The following OTUD7A variants were observed in gnomAD, a reference collection of about 807,000 sequenced individuals.
OTUD7A encodes the protein OTU domain-containing protein 7A.
In OTUD7A, 12 loss-of-function variants were observed where a neutral mutation model predicts 65.7. That is an observed-to-expected ratio of 0.18 (90% CI 0.12 to 0.30). OTUD7A has a LOEUF of 0.30. Among genes scored for constraint, OTUD7A ranks in the 10% least tolerant of loss-of-function variants. The probability of loss-of-function intolerance (pLI) is 1.00; values close to 1 mark genes in which losing one functional copy is unlikely to be tolerated. For missense variants in OTUD7A, 1,148 were observed against 1,304.8 expected (o/e 0.88, Z 1.85); for synonymous variants, 641 against 586.3 (o/e 1.09, Z -1.35).
intron 1 of OTUD7A, among the ~76,000 whole-genome samples, chr15:31,840,374 G>A (rs1475884141): frequency 6.6e-6 from 1 of 152,050 alleles, no homozygotes; most frequent in Non-Finnish European, 1.5e-5. Context: ...GGAGGTGGAG[G>A]TTGCACTGAG....
chr15:31,758,346 G>A (rs1453637758), intron 1 of OTUD7A, among the ~76,000 whole-genome samples: 2 of 152,180 alleles, frequency 1.3e-5, no homozygotes, highest in African/African-American at 4.8e-5. Flanking sequence ...ACACAGCCAA[G>A]AACGGCCCTG....
intron 1 of OTUD7A, among the ~76,000 whole-genome samples, chr15:31,827,107 T>C (rs114984118): frequency 1.3e-5 from 2 of 152,242 alleles, no homozygotes; most frequent in African/African-American, 4.8e-5. Flanking sequence ...TCACGTATCT[T>C]TTCAGCAACA....
intron 1 of OTUD7A, among the ~76,000 whole-genome samples, chr15:31,803,327 C>G (rs967119214): frequency 1.3e-5 from 2 of 152,172 alleles, no homozygotes; most frequent in Non-Finnish European, 2.9e-5. Flanking sequence ...AAGTTATTTG[C>G]TAAAATATCA....
At position 31,830,070 on chromosome 15, in the gene OTUD7A, C is replaced by G. The variant is rs559539974; in HGVS notation, c.-100+40437G>C. ...GGCATGAGGCTGGTGGCTGTACAGT[C>G]TCATCACCACCATCTGCTGCTTGCT... On this transcript the variant is annotated intron_variant, in intron 1 of 12. Transcript: ENST00000307050. Among the ~76,000 whole-genome samples the G allele has an allele frequency of 2.0e-5, 3 of 152,302 alleles. No individual in the cohort carries two copies. The East Asian group carries it at 5.8e-4, about 29-fold the overall frequency.
intron 1 of OTUD7A, among the ~76,000 whole-genome samples, chr15:31,798,795 A>AG (rs1896041954): frequency 6.6e-6 from 1 of 152,140 alleles, no homozygotes; most frequent in Admixed American, 6.5e-5. Flanking sequence ...GAAGGAAGCC[A>AG]GGGGGAGGCT....
In OTUD7A at chr15:31,789,115, G is replaced by A. The variant is rs554005988; in HGVS notation, c.-100+81392C>T. Among the ~76,000 whole-genome samples the A allele has an allele frequency of 5.5e-4, 83 of 152,206 alleles. 1 individual carries two copies. In the South Asian group the frequency reaches 0.016, roughly 29 times the overall value. ...AATTTCATTTTTTTAATACTCTGAG[G>A]GGAGATATACCATTGTAAGTGCTAT... On this transcript the variant is annotated intron_variant, in intron 1 of 12. Coordinates refer to ENST00000307050, the MANE Select transcript of OTUD7A (RefSeq NM_001382637.1).
At chr15:31,593,156 A>G (rs1226882069) in intron 3 of OTUD7A, among the ~76,000 whole-genome samples, 2 of 152,008 alleles carry the variant, frequency 1.3e-5, no homozygotes, top group East Asian at 3.9e-4. Flanking sequence ...CATGACAGCT[A>G]CAATGTCATT....
chr15:31,619,359 CT>C (rs1890700325), intron 3 of OTUD7A, among the ~76,000 whole-genome samples: 1 of 152,154 alleles, frequency 6.6e-6, no homozygotes, highest in African/African-American at 2.4e-5. Flanking sequence ...TATAAATTAC[CT>C]TGGGCAGTAT....
intron 1 of OTUD7A, among the ~76,000 whole-genome samples, chr15:31,669,243 C>A (rs190117746): frequency 6.6e-6 from 1 of 152,234 alleles, no homozygotes; most frequent in East Asian, 1.9e-4. Flanking sequence ...TCTTCAGCTA[C>A]CAGGGTGGAT....
At chr15:31,767,809 T>G in intron 1 of OTUD7A, 1 of 795,608 alleles carries the variant, frequency 1.3e-6, no homozygotes, top group Non-Finnish European at 2.2e-6. Context: ...AAATACTATC[T>G]TTATCTTTGG....
Position 31,765,917 on chromosome 15 carries a change from T to C in OTUD7A, c.-100+104590A>G, listed in dbSNP as rs191930716. Reference sequence around the variant, plus strand: ...GTTTTTTTCTTTTCTCCTTTAGAGGTAAAGTCCTGTTTTTAACAATATTTT... The same window carrying C: ...GTTTTTTTCTTTTCTCCTTTAGAGGCAAAGTCCTGTTTTTAACAATATTTT... On this transcript the variant is annotated intron_variant, in intron 1 of 12. Coordinates refer to ENST00000307050, the MANE Select transcript of OTUD7A (RefSeq NM_001382637.1). The C allele has an allele frequency of 5.8e-5, 74 of 1,279,090 alleles. No individual in the cohort carries two copies. In the East Asian group the frequency reaches 1.5e-3, roughly 26 times the overall value. 79.2% of individuals were successfully genotyped at this position (1,279,090 alleles called of 1,614,324 possible).
At chr15:31,733,747 A>G (rs1238620530) in intron 1 of OTUD7A, among the ~76,000 whole-genome samples, 2 of 152,170 alleles carry the variant, frequency 1.3e-5, no homozygotes, top group Non-Finnish European at 2.9e-5. Context: ...ATGCTATCTG[A>G]GTGCTCTCAA....
chr15:31,815,308 C>T (rs138624615), intron 1 of OTUD7A, among the ~76,000 whole-genome samples: 1 of 152,322 alleles, frequency 6.6e-6, no homozygotes, highest in Non-Finnish European at 1.5e-5. Flanking sequence ...AATCAGAGGG[C>T]TCCCAGCAGA....
intron 3 of OTUD7A, among the ~76,000 whole-genome samples, chr15:31,621,721 T>C (rs1409843301): frequency 1.3e-5 from 2 of 151,826 alleles, no homozygotes; most frequent in Admixed American, 6.6e-5. Flanking sequence ...CTTTATCCTA[T>C]TTGCCAGTCC....
At chr15:31,505,812 T>A (rs937714579) in intron 8 of OTUD7A, among the ~76,000 whole-genome samples, 3 of 151,586 alleles carry the variant, frequency 2.0e-5, no homozygotes, top group African/African-American at 7.3e-5. Flanking sequence ...TGCAGTGGCA[T>A]GATCTCGGCT....
chr15:31,687,303 T>C (rs1354486790), intron 1 of OTUD7A, among the ~76,000 whole-genome samples: 2 of 152,120 alleles, frequency 1.3e-5, no homozygotes, highest in Admixed American at 1.3e-4. Flanking sequence ...CCTGCCATAG[T>C]GGTTTCATTC....
intron 1 of OTUD7A, among the ~76,000 whole-genome samples, chr15:31,674,262 C>T (rs775521732): frequency 4.6e-5 from 7 of 152,082 alleles, no homozygotes; most frequent in Non-Finnish European, 8.8e-5. Flanking sequence ...CCAGGAGAGC[C>T]GGTGGCCAAG....
chr15:31,633,282 T>G (rs1348873772), intron 3 of OTUD7A, among the ~76,000 whole-genome samples: 1 of 152,166 alleles, frequency 6.6e-6, no homozygotes, highest in Non-Finnish European at 1.5e-5. Flanking sequence ...CCTGTATTTG[T>G]TTTAAACCAA....
chr15:31,541,656 G>T (rs768281300), intron 5 of OTUD7A, among the ~76,000 whole-genome samples: 1 of 152,030 alleles, frequency 6.6e-6, no homozygotes, highest in African/African-American at 2.4e-5. Flanking sequence ...TCCAACAACC[G>T]GAAATAAATA....
Sources: gnomAD v4.1 joint callset for allele counts (sites outside exome capture counted in the v4.1 genomes callset) on GRCh38, gnomAD v4.1.1 for gene constraint, MANE v1.5 for transcripts, NCBI Gene and HGNC (gene_info 2026-07-23, HGNC 2026-07-21) for gene names.